The following SDK1 variants were observed in gnomAD, a reference collection of about 807,000 sequenced individuals.
The protein encoded by SDK1 is sidekick cell adhesion molecule 1.
A neutral mutation model predicts 245.5 loss-of-function variants in SDK1; 157 were observed. The ratio of observed to expected loss-of-function variants is 0.64; its 90% CI spans 0.56 to 0.73. SDK1 has a LOEUF of 0.73. SDK1 is among the 30% of genes least tolerant of loss of function. The probability of loss-of-function intolerance (pLI) is 0.00; values close to 1 mark genes in which losing one functional copy is unlikely to be tolerated. For synonymous variants in SDK1, 1,647 were observed against 1,278.5 expected (o/e 1.29, Z -6.15); for missense variants, 3,583 against 3,002.3 (o/e 1.19, Z -4.52).
intron 4 of SDK1, among the ~76,000 whole-genome samples, chr7:3,748,262 G>A (rs1305444634): frequency 1.3e-5 from 2 of 152,152 alleles, no homozygotes; most frequent in Admixed American, 6.5e-5. Context: ...TGATTTTTCT[G>A]TGTAGCAGGA....
At chr7:3,938,975 A>C (rs902832360) in intron 5 of SDK1, among the ~76,000 whole-genome samples, 1 of 152,266 alleles carries the variant, frequency 6.6e-6, no homozygotes, top group Non-Finnish European at 1.5e-5. Context: ...TGGATTGTCA[A>C]ACTGTCATTT....
At chr7:4,122,103 C>G (rs571392128) in intron 25 of SDK1, among the ~76,000 whole-genome samples, 1 of 152,080 alleles carries the variant, frequency 6.6e-6, no homozygotes, top group Admixed American at 6.5e-5. Context: ...TGGGGAATCT[C>G]AGGGGCCCAG....
At chr7:3,737,520 G>T (rs1225536384) in intron 4 of SDK1, among the ~76,000 whole-genome samples, 1 of 152,236 alleles carries the variant, frequency 6.6e-6, no homozygotes, top group Non-Finnish European at 1.5e-5. Flanking sequence ...GGGGACTGAT[G>T]GTGGGCAGAG....
intron 7 of SDK1, among the ~76,000 whole-genome samples, chr7:3,957,240 T>G (rs1356262766): frequency 6.6e-6 from 1 of 152,170 alleles, no homozygotes; most frequent in Non-Finnish European, 1.5e-5. Context: ...CCTACACACG[T>G]AATAATGTTG....
chr7:3,371,074 T>C (rs772125229), intron 1 of SDK1, among the ~76,000 whole-genome samples: 2 of 152,120 alleles, frequency 1.3e-5, no homozygotes, highest in Admixed American at 1.3e-4. Context: ...GTACAACATA[T>C]GATACATGTG....
chr7:3,743,459 A>G (rs544618966), intron 4 of SDK1, among the ~76,000 whole-genome samples: 1 of 152,242 alleles, frequency 6.6e-6, no homozygotes, highest in African/African-American at 2.4e-5. Flanking sequence ...GTTAGAGTGG[A>G]CCTTTTACTT....
At chr7:3,490,378 G>A (rs902285637) in intron 1 of SDK1, among the ~76,000 whole-genome samples, 2 of 152,186 alleles carry the variant, frequency 1.3e-5, no homozygotes, top group Non-Finnish European at 2.9e-5. Context: ...TGAGGAAGGT[G>A]TATGAAATTT....
At position 3,839,821 on chromosome 7, in the gene SDK1, AT is replaced by A. The variant is rs1780114368; in HGVS notation, c.847+18241del. Among the ~76,000 whole-genome samples, 3 of 152,310 alleles carry A rather than the reference AT, an allele frequency of 2.0e-5. No individual in the cohort carries two copies. The East Asian group carries it at 5.8e-4, about 29-fold the overall frequency. On this transcript the variant is annotated intron_variant, in intron 5 of 44. Coordinates refer to ENST00000404826, the MANE Select transcript of SDK1 (RefSeq NM_152744.4). ...GGATAATCAAACCAGTTTTTTTAACATTTAGTTTTAGAGTCACAGGAAATTT... is the reference window on the plus strand; with the variant it reads ...GGATAATCAAACCAGTTTTTTTAACATTAGTTTTAGAGTCACAGGAAATTT...
chr7:4,079,725 T>TA (rs1338172399), intron 22 of SDK1, 141 bp downstream of exon 22: 2 of 1,177,418 alleles, frequency 1.7e-6, no homozygotes, highest in African/African-American at 3.0e-5. Context: ...GGGCTGGAGA[T>TA]AGCCCAGATA....
At chr7:4,019,862 C>T (rs1786735594) in intron 17 of SDK1, among the ~76,000 whole-genome samples, 2 of 152,092 alleles carry the variant, frequency 1.3e-5, no homozygotes, top group African/African-American at 4.8e-5. Flanking sequence ...TGTGGATGGC[C>T]CTCCCTTGTT....
chr7:4,000,895 T>C (rs1444598143), intron 14 of SDK1, among the ~76,000 whole-genome samples: 2 of 152,158 alleles, frequency 1.3e-5, no homozygotes, highest in African/African-American at 4.8e-5. Flanking sequence ...AGGGAGACAG[T>C]ACCTGTCAGA....
intron 4 of SDK1, among the ~76,000 whole-genome samples, chr7:3,789,835 C>A (rs954147836): frequency 1.3e-5 from 2 of 150,234 alleles, no homozygotes; most frequent in Non-Finnish European, 3.0e-5. Flanking sequence ...ACCAGCGGAA[C>A]GGGGACTGTT....
chr7:3,922,054 C>T (rs982296308), intron 5 of SDK1, among the ~76,000 whole-genome samples: 2 of 152,234 alleles, frequency 1.3e-5, no homozygotes, highest in Admixed American at 6.5e-5. Flanking sequence ...CTCCTCTGTG[C>T]CTCTCTGCCA....
intron 1 of SDK1, among the ~76,000 whole-genome samples, chr7:3,358,278 T>C (rs983765832): frequency 6.6e-6 from 1 of 152,184 alleles, no homozygotes; most frequent in African/African-American, 2.4e-5. Context: ...CGTCTCAGCC[T>C]CCCAAAGTGC....
At chr7:3,721,668 C>T (rs1778809679) in intron 4 of SDK1, among the ~76,000 whole-genome samples, 1 of 152,030 alleles carries the variant, frequency 6.6e-6, no homozygotes, top group Non-Finnish European at 1.5e-5. Flanking sequence ...AGGATGAGAT[C>T]AGAGAGTGCA....
chr7:3,679,091 C>G (rs552455077), intron 4 of SDK1, among the ~76,000 whole-genome samples: 3 of 152,152 alleles, frequency 2.0e-5, no homozygotes, highest in East Asian at 3.9e-4. Context: ...TACATGAAAA[C>G]AAAATAAATT....
In SDK1 at chr7:3,967,449, C is replaced by G. The variant is rs911602517; in HGVS notation, c.1546+15C>G. 2.7e-6 allele frequency: 4 copies of G among 1,474,544 alleles called. No homozygotes were observed. In the African/African-American group the frequency reaches 5.5e-5, roughly 20 times the overall value. The allele number at this position is 1,474,544 out of a possible 1,614,324, so 91.3% of individuals were successfully genotyped here. On this transcript the variant is annotated intron_variant, in intron 10 of 44. Coordinates refer to ENST00000404826, the MANE Select transcript of SDK1 (RefSeq NM_152744.4). ...CTGGAAAAGAGGTGGGTAGCATCCA[C>G]TGCCCACAACAGCATGGCCCATGTA...
chr7:4,262,157 G>C (rs1209320775), intron 44 of SDK1, among the ~76,000 whole-genome samples: 6 of 146,054 alleles, frequency 4.1e-5, no homozygotes, highest in African/African-American at 1.5e-4. Flanking sequence ...TCCTGCCTCA[G>C]CCTCCCAAGT....
chr7:3,608,530 T>C (rs1781492575), intron 1 of SDK1, among the ~76,000 whole-genome samples: 1 of 152,222 alleles, frequency 6.6e-6, no homozygotes, highest in Non-Finnish European at 1.5e-5. Flanking sequence ...AAAATTAGCA[T>C]TTTGGAAACC....
Sources: allele counts gnomAD v4.1 joint callset (sites outside exome capture counted in the v4.1 genomes callset), GRCh38; gene constraint gnomAD v4.1.1; transcripts MANE v1.5; gene names NCBI Gene and HGNC (gene_info 2026-07-23, HGNC 2026-07-21).